Variants in DPP6 observed in about 807,000 individuals in gnomAD.
The protein encoded by DPP6 is A-type potassium channel modulatory protein DPP6.
Under a neutral mutation model 122.6 loss-of-function variants are expected in DPP6, and 69 were observed. The observed-to-expected ratio is 0.56, with a 90% confidence interval of 0.46 to 0.69. The LOEUF (loss-of-function observed/expected upper bound fraction) is 0.69, where lower values mean the gene tolerates loss of function less well. DPP6 is among the 30% of genes least tolerant of loss of function. The pLI is 0.00. For synonymous variants in DPP6, 418 were observed against 433.1 expected, an observed-to-expected ratio of 0.97 and a Z score of 0.43; for missense variants, 928 against 1,116.9, an observed-to-expected ratio of 0.83 and a Z score of 2.41.
chr7:154,513,336 G>A (rs1001214536), intron 3 of DPP6, among the ~76,000 whole-genome samples: 2 of 152,178 alleles, frequency 1.3e-5, no homozygotes, highest in Admixed American at 6.5e-5. Flanking sequence ...TCACTCAAAT[G>A]TAGCTAGAGG....
the DPP6 span, among the ~76,000 whole-genome samples, chr7:153,868,309 A>G: frequency 1.3e-5 from 2 of 152,118 alleles, no homozygotes; most frequent in South Asian, 2.1e-4. Context: ...TAAGCTATTA[A>G]TTATTGCCTC....
the DPP6 span, among the ~76,000 whole-genome samples, chr7:153,780,576 C>T: frequency 6.6e-6 from 1 of 152,094 alleles, no homozygotes; most frequent in Non-Finnish European, 1.5e-5. Flanking sequence ...ATCTGAAGAA[C>T]GTACTTGGGC....
chr7:154,732,616 T>C (rs1362861462), intron 8 of DPP6, among the ~76,000 whole-genome samples: 4 of 152,080 alleles, frequency 2.6e-5, no homozygotes, highest in Admixed American at 1.3e-4. Flanking sequence ...TTTATAGAGC[T>C]CAGCCTGGAG....
intron 16 of DPP6, among the ~76,000 whole-genome samples, chr7:154,839,772 C>T (rs947154532): frequency 2.0e-5 from 3 of 152,032 alleles, no homozygotes; most frequent in Non-Finnish European, 2.9e-5. Flanking sequence ...CACGCAGGAA[C>T]GAGGAGTCCA....
At chr7:154,574,589 G>C (rs1444013213) in intron 5 of DPP6, among the ~76,000 whole-genome samples, 1 of 132,932 alleles carries the variant, frequency 7.5e-6, no homozygotes, top group African/African-American at 2.8e-5. Flanking sequence ...GTGTGTATGT[G>C]TGTGGGAGTG....
rs1805155455 is a variant in DPP6 at position 154,879,362 on chromosome 7, C to CCG, written c.2079-1526_2079-1525insCG. On this transcript the variant is annotated intron_variant, in intron 20 of 25. Transcript: ENST00000377770. Reference sequence around the variant, plus strand: ...TTGGGAGGCCGAGGCGGGCGGATCACGAGGTCAGGAGATCGAGACCATCCT... The same window carrying CCG: ...TTGGGAGGCCGAGGCGGGCGGATCACCGGAGGTCAGGAGATCGAGACCATCCT... Among the ~76,000 whole-genome samples the CCG allele has an allele frequency of 2.0e-5, 2 of 101,664 alleles. 1 individual carries two copies. Among genetic ancestry groups the CCG allele is most frequent in the Non-Finnish European group, 3.7e-5 (2 of 54,436 alleles). 66.7% of individuals were successfully genotyped at this position (101,664 alleles called of 152,430 possible).
chr7:154,017,061 A>G (rs578002901), intron 1 of DPP6, among the ~76,000 whole-genome samples: 12 of 152,332 alleles, frequency 7.9e-5, no homozygotes, highest in African/African-American at 2.9e-4. Flanking sequence ...TAGGGTGACT[A>G]TAGTTAACAA....
At chr7:154,794,224 G>C (rs1313455543) in intron 11 of DPP6, 22 bp downstream of exon 11, 11 of 1,588,954 alleles carry the variant, frequency 6.9e-6, no homozygotes, top group East Asian at 2.3e-5. Flanking sequence ...TGTGGGGGTG[G>C]AGGGGAGACG....
intron 7 of DPP6, among the ~76,000 whole-genome samples, chr7:154,693,916 C>T (rs1840071242): frequency 6.6e-6 from 1 of 152,174 alleles, no homozygotes; most frequent in Non-Finnish European, 1.5e-5. Context: ...TGCATGCATA[C>T]ATGTGTGAAG....
At chr7:154,874,133 C>T (rs1036737820) in intron 19 of DPP6, among the ~76,000 whole-genome samples, 1 of 145,636 alleles carries the variant, frequency 6.9e-6, no homozygotes, top group Non-Finnish European at 1.5e-5. Context: ...ACACACCCCA[C>T]ACATGTGCAC....
At chr7:154,061,674 CT>C (rs1479918653) in intron 1 of DPP6, among the ~76,000 whole-genome samples, 1,565 of 140,892 alleles carry the variant, frequency 0.011, 31 homozygotes, top group African/African-American at 0.037. Flanking sequence ...TCTTCCCCCC[CT>C]GGCTCTTGGG....
chr7:153,919,053 A>T (rs2129007427), intron 1 of DPP6, among the ~76,000 whole-genome samples: 1 of 152,106 alleles, frequency 6.6e-6, no homozygotes, highest in South Asian at 2.1e-4. Context: ...CAGTGGAGTA[A>T]GAATGTCTGT....
At chr7:154,530,864 A>G (rs2130112057) in intron 3 of DPP6, among the ~76,000 whole-genome samples, 1 of 152,310 alleles carries the variant, frequency 6.6e-6, no homozygotes, top group African/African-American at 2.4e-5. Flanking sequence ...GATGGAGCTG[A>G]AAGCCATTAT....
chr7:154,450,678 C>A (rs1382463892), intron 2 of DPP6, among the ~76,000 whole-genome samples: 2 of 152,176 alleles, frequency 1.3e-5, no homozygotes, highest in Non-Finnish European at 2.9e-5. Context: ...GCCCAGGAAA[C>A]AGATCCCTGC....
At chr7:154,729,741 G>A (rs1281057544) in intron 8 of DPP6, among the ~76,000 whole-genome samples, 1 of 152,172 alleles carries the variant, frequency 6.6e-6, no homozygotes, top group Non-Finnish European at 1.5e-5. Context: ...CACCATGGAA[G>A]CCCCATGTTT....
the DPP6 span, among the ~76,000 whole-genome samples, chr7:153,832,864 A>C: frequency 2.6e-5 from 4 of 152,320 alleles, no homozygotes; most frequent in East Asian, 7.7e-4. Context: ...TCCATTTCCA[A>C]GACTCATGTC....
At chr7:154,315,458 C>G (rs997213672) in intron 1 of DPP6, among the ~76,000 whole-genome samples, 2 of 151,950 alleles carry the variant, frequency 1.3e-5, no homozygotes, top group East Asian at 3.9e-4. Context: ...TTTTTGAGTT[C>G]CTAAGGTTCA....
upstream of DPP6, among the ~76,000 whole-genome samples, chr7:154,050,415 A>C (rs1800240764): frequency 6.6e-6 from 1 of 152,212 alleles, no homozygotes; most frequent in Non-Finnish European, 1.5e-5. Flanking sequence ...TTGTGTAAAA[A>C]TATGCATGCA....
chr7:153,799,006 T>G, the DPP6 span, among the ~76,000 whole-genome samples: 1 of 151,916 alleles, frequency 6.6e-6, no homozygotes, highest in East Asian at 1.9e-4. Context: ...CAATGGGGAG[T>G]GGCTATAAAT....
Sources: gnomAD v4.1 joint callset for allele counts (sites outside exome capture counted in the v4.1 genomes callset) on GRCh38, gnomAD v4.1.1 for gene constraint, MANE v1.5 for transcripts, NCBI Gene and HGNC (gene_info 2026-07-23, HGNC 2026-07-21) for gene names.